The following STAT5A variants were observed in gnomAD, a reference collection of about 807,000 sequenced individuals.
The protein encoded by STAT5A is epididymis secretory sperm binding protein.
STAT5A carries 26 observed loss-of-function variants against 100.2 expected under a neutral mutation model. The ratio of observed to expected loss-of-function variants is 0.26; its 90% confidence interval spans 0.19 to 0.36. STAT5A has a LOEUF of 0.36. Ranked by LOEUF, STAT5A falls within the 10% of genes least tolerant of loss-of-function variation. STAT5A has a pLI of 1.00. For synonymous variants in STAT5A, 330 were observed against 424.3 expected, an observed-to-expected ratio of 0.78 and a Z score of 2.73; for missense variants, 634 against 1,027.5, an observed-to-expected ratio of 0.62 and a Z score of 5.24.
At chr17:42,292,102 C>T in intron 4 of STAT5A, 41 bp downstream of exon 4, 1 of 1,600,976 alleles carries the variant, frequency 6.2e-7, no homozygotes, top group Non-Finnish European at 8.6e-7. Context: ...TTGAGAAGTC[C>T]CTCCATATGC....
chr17:42,308,347 C>CAGG lies in STAT5A; in HGVS notation c.2062+16_2062+18dup. On this transcript the variant is annotated intron_variant, in intron 16 of 18. Coordinates refer to ENST00000590949, the MANE Select transcript of STAT5A (RefSeq NM_001288718.2). The surrounding 1 kb of genome is among the most constrained non-coding windows in gnomAD (Gnocchi z 4.6). ...CTCCTGTGCTGGGTGGGTACTGCCC[C>CAGG]AGGACCCTGCCGGCTGACTCCCCCG... 1 of 1,614,092 alleles carries CAGG rather than the reference C, an allele frequency of 6.2e-7. No homozygotes were observed. The highest frequency in any genetic ancestry group is 8.5e-7 in the Non-Finnish European group (1 of 1,180,002).
chr17:42,295,474 A>G, intron 4 of STAT5A, 145 bp from the exon 5 acceptor site: 3 of 822,428 alleles, frequency 3.6e-6, no homozygotes, highest in Admixed American at 2.8e-5. Context: ...TCTGATGCAA[A>G]TGATCCTTCC....
At position 42,290,261 on chromosome 17, in the gene STAT5A, G is replaced by A. The variant is rs900269030; in HGVS notation, c.285+239G>A. On this transcript the variant is annotated intron_variant, in intron 3 of 18. Coordinates refer to ENST00000590949, the MANE Select transcript of STAT5A (RefSeq NM_001288718.2). ...CCAACAGAGAGAGATGGGTGAACTGGCCTTATGGAAGCAGCAGAAGGGATG... is the reference window on the plus strand; with the variant it reads ...CCAACAGAGAGAGATGGGTGAACTGACCTTATGGAAGCAGCAGAAGGGATG... 1.1e-5 allele frequency: 5 copies of A among 457,050 alleles called. No individual in the cohort carries two copies. In the Admixed American group the frequency reaches 1.3e-4, roughly 12 times the overall value. The allele number at this position is 457,050 out of a possible 1,614,324, so 28.3% of individuals were successfully genotyped here.
chr17:42,297,448 T>C (rs1429931032), intron 5 of STAT5A, among the ~76,000 whole-genome samples: 1 of 151,944 alleles, frequency 6.6e-6, no homozygotes, highest in Non-Finnish European at 1.5e-5. Context: ...TGGATTCAGG[T>C]TGGGTTTGGA....
intron 9 of STAT5A, among the ~76,000 whole-genome samples, chr17:42,302,204 C>G (rs1254047715): frequency 6.6e-6 from 1 of 152,220 alleles, no homozygotes; most frequent in African/African-American, 2.4e-5. Flanking sequence ...TAGCTGTGTT[C>G]TAGAACCTGT....
chr17:42,300,415 G>C lies in STAT5A; in HGVS notation c.833+134G>C, dbSNP rs971022545. On this transcript the variant is annotated intron_variant, in intron 7 of 18. Transcript: ENST00000590949. ...AGCTCTTGTTTCTCCAGGGAGCCTGGTTCCTCAATCAGACTTTGGTCCCCA... is the reference window on the plus strand; with the variant it reads ...AGCTCTTGTTTCTCCAGGGAGCCTGCTTCCTCAATCAGACTTTGGTCCCCA... 1.3e-5 allele frequency: 17 copies of C among 1,302,824 alleles called. No homozygotes were observed. In the African/African-American group the frequency reaches 2.6e-4, roughly 20 times the overall value. The allele number at this position is 1,302,824 out of a possible 1,614,324, so 80.7% of individuals were successfully genotyped here.
In STAT5A at chr17:42,307,699, A is replaced by G; in HGVS notation, c.1882A>G (p.Thr628Ala). Residue 628 changes from threonine to alanine, a missense_variant, in exon 15 of 19, where the codon ACC becomes GCC. By Grantham distance (58) the Thr-to-Ala change is moderately conservative (BLOSUM62 0). This residue lies in a region of STAT5A where 210 missense variants were observed against 428.4 expected (regional missense o/e 0.49). Transcript: ENST00000590949. ...RFSDSEIGGI[T>A]IAWKFDSPER... ...TAGTGACTCAGAAATCGGGGGCATC[A>G]CCATCGCCTGGAAGTTTGACTCCCG... 1 of 1,613,970 alleles carries G rather than the reference A, an allele frequency of 6.2e-7. No individual in the cohort carries two copies. The highest frequency in any genetic ancestry group is 8.5e-7 in the Non-Finnish European group (1 of 1,179,970).
chr17:42,291,358 G>A (rs1275410758), intron 3 of STAT5A, among the ~76,000 whole-genome samples: 2 of 152,186 alleles, frequency 1.3e-5, no homozygotes, highest in Admixed American at 1.3e-4. Flanking sequence ...CCACCGACCT[G>A]TACCAGTCCA....
chr17:42,295,385 C>T (rs1001916634), intron 4 of STAT5A, among the ~76,000 whole-genome samples: 1 of 152,142 alleles, frequency 6.6e-6, no homozygotes, highest in African/African-American at 2.4e-5. Context: ...GAAGGTGTTA[C>T]TATCTGCCGT....
chr17:42,297,700 G>C (rs563943052), intron 5 of STAT5A, among the ~76,000 whole-genome samples: 4 of 152,204 alleles, frequency 2.6e-5, no homozygotes, highest in African/African-American at 9.6e-5. Flanking sequence ...CTGTGGCTGG[G>C]CAGGATACCC....
In STAT5A at chr17:42,306,239, A is replaced by C; in HGVS notation, c.1474-2A>C. 1 of 1,613,848 alleles carries C rather than the reference A, an allele frequency of 6.2e-7. No individual in the cohort carries two copies. The highest frequency in any genetic ancestry group is 2.2e-5 in the East Asian group (1 of 44,872). Reference sequence around the variant, plus strand: ...TTTTCCCCTCTCTTGTCTCCCTCTCAGGGCAGGGTGCCATTTGCCGTGCCT... The same window carrying C: ...TTTTCCCCTCTCTTGTCTCCCTCTCCGGGCAGGGTGCCATTTGCCGTGCCT... On this transcript the variant is annotated splice_acceptor_variant, in intron 12 of 18. Coordinates refer to ENST00000590949, the MANE Select transcript of STAT5A (RefSeq NM_001288718.2). LOFTEE classifies it high-confidence loss of function.
chr17:42,293,166 A>C (rs1385666377), intron 4 of STAT5A, among the ~76,000 whole-genome samples: 2 of 152,226 alleles, frequency 1.3e-5, no homozygotes, highest in Non-Finnish European at 2.9e-5. Flanking sequence ...CAGTGACCGG[A>C]GCACAGGTCA....
rs1205339449 is a variant in STAT5A at position 42,300,199 on chromosome 17, G to A, written c.751G>A (p.Glu251Lys). The A allele has an allele frequency of 4.0e-6, 6 of 1,508,526 alleles. No homozygotes were observed. In the African/African-American group the frequency reaches 4.3e-5, roughly 11 times the overall value. 93.4% of individuals were successfully genotyped at this position (1,508,526 alleles called of 1,614,324 possible). ...RKQQTIILDD[E>K]LIQWKRRQQL... ...GCAGCAGACCATCATCCTGGATGACGAGCTGATCCAGTGGAAGCGGCGGCA... is the reference window on the plus strand; with the variant it reads ...GCAGCAGACCATCATCCTGGATGACAAGCTGATCCAGTGGAAGCGGCGGCA... Residue 251 changes from glutamate (E) to lysine (K), a missense_variant, in exon 7 of 19, where the codon GAG becomes AAG. Glu to Lys is a moderately conservative substitution (Grantham distance 56, BLOSUM62 1). Around this residue, in one of 5 missense-constraint regions of STAT5A, gnomAD observed 31 missense variants for 97.6 expected, o/e 0.32. Transcript: ENST00000590949.
chr17:42,295,913 A>G (rs1483458679), intron 5 of STAT5A, 120 bp downstream of exon 5: 1 of 1,429,240 alleles, frequency 7.0e-7, no homozygotes, highest in Non-Finnish European at 9.5e-7. Context: ...AAAGCCTGGT[A>G]GAAGCAATGG....
Position 42,289,438 on chromosome 17 carries a change from G to C in STAT5A, c.27G>C (p.Gln9His), listed in dbSNP as rs763790317. MAGWIQAQ[Q>H]LQGDALRQMQ... ...TGGCGGGCTGGATCCAGGCCCAGCA[G>C]CTGCAGGGAGACGCGCTGCGCCAGA... Residue 9 changes from glutamine to histidine, a missense_variant, in exon 2 of 19, where the codon CAG becomes CAC. This residue lies in a region of STAT5A where 207 missense variants were observed against 256.6 expected (regional missense o/e 0.81). Transcript: ENST00000590949. 7.1e-5 allele frequency: 114 copies of C among 1,612,294 alleles called. No individual in the cohort carries two copies. The highest frequency in any genetic ancestry group is 9.7e-5 in the Non-Finnish European group (114 of 1,179,656).
intron 11 of STAT5A, 64 bp from the exon 12 acceptor site, chr17:42,305,546 T>C: frequency 7.5e-7 from 1 of 1,338,170 alleles, no homozygotes; most frequent in East Asian, 2.3e-5. Flanking sequence ...ATTGGGCATG[T>C]TGCCTAAGCA....
chr17:42,295,510 C>T, intron 4 of STAT5A, 109 bp from the exon 5 acceptor site: 1 of 1,186,586 alleles, frequency 8.4e-7, no homozygotes. Context: ...CCCTTCTTAC[C>T]CTAGTTTGGG....
At chr17:42,289,770 G>A (rs891258159) in intron 2 of STAT5A, 96 bp from the exon 3 acceptor site, 4 of 1,436,756 alleles carry the variant, frequency 2.8e-6, no homozygotes, top group African/African-American at 1.4e-5. Flanking sequence ...GAGTGCCCTC[G>A]GTCATGAGCC....
rs754656931 is a variant in STAT5A, at chr17:42,292,048, G to A, written c.362G>A (p.Arg121Gln). Residue 121 changes from arginine to glutamine, a missense_variant, in exon 4 of 19, where the codon CGA (arginine) becomes CAA (glutamine). Arg to Gln is a conservative substitution (Grantham distance 43, BLOSUM62 1). Around this residue, in one of 5 missense-constraint regions of STAT5A, gnomAD observed 207 missense variants for 256.6 expected, o/e 0.81. Coordinates refer to ENST00000590949, the MANE Select transcript of STAT5A (RefSeq NM_001288718.2). ...CTGTACAATGAACAGAGGCTGGTCC[G>A]AGAAGCCAACAATGTGAGTGTCCCT... Reference protein sequence around the residue: ...HILYNEQRLVREANNCSSPAG... With the variant: ...HILYNEQRLVQEANNCSSPAG... 9.3e-6 allele frequency: 15 copies of A among 1,613,812 alleles called. No individual in the cohort carries two copies. In the Admixed American group the frequency reaches 1.3e-4, roughly 14 times the overall value.
Sources: allele counts gnomAD v4.1 joint callset (sites outside exome capture counted in the v4.1 genomes callset), GRCh38; gene constraint gnomAD v4.1.1; regional missense constraint gnomAD v4.1.1; non-coding constraint Gnocchi (gnomAD v3.1); transcripts MANE v1.5; gene names NCBI Gene and HGNC (gene_info 2026-07-23, HGNC 2026-07-21).